DLG1: variants seen among roughly 807,000 people sequenced by gnomAD.
DLG1 encodes the protein discs large MAGUK scaffold protein 1.
DLG1 carries 42 observed loss-of-function variants against 123.4 expected under a neutral mutation model. The ratio of observed to expected loss-of-function variants is 0.34; its 90% CI spans 0.27 to 0.44. The LOEUF (loss-of-function observed/expected upper bound fraction) is 0.44, where lower values mean the gene tolerates loss of function less well. Among genes scored for constraint, DLG1 ranks in the 20% least tolerant of loss-of-function variants. The probability of loss-of-function intolerance (pLI) is 1.00; values close to 1 mark genes in which losing one functional copy is unlikely to be tolerated. For missense variants in DLG1, 942 were observed against 1,082.6 expected (o/e 0.87, Z 1.82); for synonymous variants, 317 against 356.2 (o/e 0.89, Z 1.24).
chr3:197,066,312 T>A (rs1739490906), intron 20 of DLG1, among the ~76,000 whole-genome samples: 1 of 151,582 alleles, frequency 6.6e-6, no homozygotes, highest in Non-Finnish European at 1.5e-5. Context: ...ATAGAAGGGA[T>A]GAAAAGAAGG....
At chr3:197,149,478 CT>C (rs1383163205) in intron 6 of DLG1, among the ~76,000 whole-genome samples, 1 of 152,036 alleles carries the variant, frequency 6.6e-6, no homozygotes, top group Admixed American at 6.6e-5. Context: ...CAGAGACAAC[CT>C]TTTGTGAAAG....
At chr3:197,167,805 G>C (rs926568901) in intron 5 of DLG1, among the ~76,000 whole-genome samples, 1 of 152,066 alleles carries the variant, frequency 6.6e-6, no homozygotes, top group African/African-American at 2.4e-5. Flanking sequence ...AGTAACAAAC[G>C]TATCTATCAC....
chr3:197,161,297 A>G (rs1413772613), intron 5 of DLG1, among the ~76,000 whole-genome samples: 1 of 152,232 alleles, frequency 6.6e-6, no homozygotes, highest in Non-Finnish European at 1.5e-5. Context: ...CAAGATCAGG[A>G]GTACAATGAT....
At chr3:197,185,479 T>G (rs1043878978) in intron 5 of DLG1, among the ~76,000 whole-genome samples, 10 of 152,182 alleles carry the variant, frequency 6.6e-5, no homozygotes, top group African/African-American at 2.4e-4. Context: ...GTGCCGGCAG[T>G]AGCTGACAAT....
intron 3 of DLG1, among the ~76,000 whole-genome samples, chr3:197,293,065 T>C (rs1248214727): frequency 6.6e-6 from 1 of 152,174 alleles, no homozygotes; most frequent in African/African-American, 2.4e-5. Context: ...CCATATCCCG[T>C]CTACTCAAAA....
At chr3:197,183,778 G>T in intron 5 of DLG1, 1 of 1,550,418 alleles carries the variant, frequency 6.4e-7, no homozygotes, top group Non-Finnish European at 8.7e-7. Flanking sequence ...CGAGAGTATA[G>T]AAGTGTGTTG....
At chr3:197,067,485 A>G (rs1740392512) in intron 19 of DLG1, among the ~76,000 whole-genome samples, 1 of 151,760 alleles carries the variant, frequency 6.6e-6, no homozygotes, top group South Asian at 2.1e-4. Context: ...TAAATAAAAG[A>G]GTCTACAAAT....
At chr3:197,256,155 A>G (rs1033445660) in intron 4 of DLG1, among the ~76,000 whole-genome samples, 2 of 152,242 alleles carry the variant, frequency 1.3e-5, no homozygotes, top group African/African-American at 4.8e-5. Flanking sequence ...CTTTTTAGAT[A>G]TATCTTCTGC....
At chr3:197,233,762 T>C (rs1257403612) in intron 4 of DLG1, among the ~76,000 whole-genome samples, 1 of 152,204 alleles carries the variant, frequency 6.6e-6, no homozygotes, top group Non-Finnish European at 1.5e-5. Context: ...TCAAGTGATC[T>C]GCCCACCTCA....
intron 5 of DLG1, among the ~76,000 whole-genome samples, chr3:197,159,258 TCATAA>T (rs1165129066): frequency 1.3e-5 from 2 of 152,208 alleles, no homozygotes; most frequent in Non-Finnish European, 2.9e-5. Context: ...TAGAAGACTT[TCATAA>T]AGTACAAACA....
At chr3:197,188,083 T>C (rs1717159491) in intron 5 of DLG1, among the ~76,000 whole-genome samples, 2 of 152,158 alleles carry the variant, frequency 1.3e-5, no homozygotes, top group African/African-American at 2.4e-5. Context: ...ATTCACGGCA[T>C]GTTTCATGGT....
intron 4 of DLG1, among the ~76,000 whole-genome samples, chr3:197,206,247 T>A (rs879654945): frequency 5.3e-5 from 8 of 152,296 alleles, no homozygotes; most frequent in Non-Finnish European, 8.8e-5. Flanking sequence ...AGATGGCATT[T>A]AAAAAAATCA....
intron 4 of DLG1, among the ~76,000 whole-genome samples, chr3:197,232,958 T>C (rs1744038406): frequency 6.6e-6 from 1 of 152,176 alleles, no homozygotes; most frequent in Non-Finnish European, 1.5e-5. Flanking sequence ...ACTCTCATTA[T>C]TCCTATTCAA....
chr3:197,292,337 T>G (rs576686941), intron 3 of DLG1, among the ~76,000 whole-genome samples: 3 of 152,204 alleles, frequency 2.0e-5, no homozygotes, highest in Non-Finnish European at 4.4e-5. Context: ...CCTTGCGGAC[T>G]CTACACTGAG....
At chr3:197,262,776 C>T (rs1420199909) in intron 4 of DLG1, among the ~76,000 whole-genome samples, 2 of 152,170 alleles carry the variant, frequency 1.3e-5, no homozygotes, top group African/African-American at 4.8e-5. Flanking sequence ...AAAGCTTCAC[C>T]AAAAACCTCC....
intron 4 of DLG1, among the ~76,000 whole-genome samples, chr3:197,241,221 C>T (rs1458633106): frequency 6.6e-6 from 1 of 152,034 alleles, no homozygotes; most frequent in African/African-American, 2.4e-5. Context: ...GGAAACCATA[C>T]AGGCCAGGAA....
intron 4 of DLG1, among the ~76,000 whole-genome samples, chr3:197,270,806 C>T (rs1763611458): frequency 6.6e-6 from 1 of 152,154 alleles, no homozygotes; most frequent in Non-Finnish European, 1.5e-5. Context: ...ATATGAAATA[C>T]AACACTGTGT....
At chr3:197,095,602 G>T (rs548176546) in intron 14 of DLG1, among the ~76,000 whole-genome samples, 2 of 152,036 alleles carry the variant, frequency 1.3e-5, no homozygotes, top group South Asian at 4.1e-4. Flanking sequence ...ACACAATTTT[G>T]ATTTGTCCCA....
intron 5 of DLG1, among the ~76,000 whole-genome samples, chr3:197,162,992 A>G (rs1561153704): frequency 1.3e-5 from 2 of 152,252 alleles, no homozygotes; most frequent in African/African-American, 4.8e-5. Context: ...AAAGACTCTT[A>G]CAACGCAACA....
Sources: allele counts gnomAD v4.1 joint callset (sites outside exome capture counted in the v4.1 genomes callset), GRCh38; gene constraint gnomAD v4.1.1; transcripts MANE v1.5; gene names NCBI Gene and HGNC (gene_info 2026-07-23, HGNC 2026-07-21).